The following ARHGAP32 variants were observed in gnomAD, a reference collection of about 807,000 sequenced individuals.
ARHGAP32 encodes Rho GTPase activating protein 32.
ARHGAP32 carries 51 observed loss-of-function variants against 186.5 expected under a neutral mutation model. The observed-to-expected ratio is 0.27, with a 90% confidence interval of 0.22 to 0.35. The LOEUF (loss-of-function observed/expected upper bound fraction) is 0.35. Among genes scored for constraint, ARHGAP32 ranks in the 10% least tolerant of loss-of-function variants. The pLI is 1.00. For synonymous variants in ARHGAP32, 950 were observed against 964.3 expected, an observed-to-expected ratio of 0.99 and a Z score of 0.27; for missense variants, 2,186 against 2,623.5, an observed-to-expected ratio of 0.83 and a Z score of 3.64.
intron 11 of ARHGAP32, among the ~76,000 whole-genome samples, chr11:129,039,163 T>G (rs762136900): frequency 6.6e-6 from 1 of 152,170 alleles, no homozygotes; most frequent in Admixed American, 6.5e-5. Context: ...ATGGTACAGT[T>G]ACACCAATGG....
chr11:129,088,989 C>T (rs1201878065), intron 6 of ARHGAP32, among the ~76,000 whole-genome samples: 1 of 88,472 alleles, frequency 1.1e-5, no homozygotes, highest in African/African-American at 5.2e-5. Flanking sequence ...CAGAGAGAGA[C>T]CTTGTCAAAA....
At chr11:129,252,408 C>A (rs1945197568) in intron 1 of ARHGAP32, among the ~76,000 whole-genome samples, 1 of 152,190 alleles carries the variant, frequency 6.6e-6, no homozygotes, top group Non-Finnish European at 1.5e-5. Context: ...TATCTGGCAA[C>A]TTCGGTCCTT....
rs778199256 is a variant in ARHGAP32 at position 128,974,656 on chromosome 11, T to C, written c.2541A>G (p.Lys847=). The change falls in exon 21 of 23, where the codon AAA becomes AAG. Residue 847 remains lysine (K), a synonymous_variant. Transcript: ENST00000682385. ...GYSKDKPSAN[K]KDAETGSSQC... Reference sequence around the variant, plus strand: ...GGCTACTACCTGTTTCTGCATCCTTTTTATTGGCACTTGGTTTATCCTTGG... The same window carrying C: ...GGCTACTACCTGTTTCTGCATCCTTCTTATTGGCACTTGGTTTATCCTTGG... The C allele has an allele frequency of 2.5e-6, 4 of 1,614,072 alleles. No individual in the cohort carries two copies. The highest frequency in any genetic ancestry group is 1.7e-5 in the Admixed American group (1 of 60,010).
intron 2 of ARHGAP32, among the ~76,000 whole-genome samples, chr11:129,133,333 A>G (rs959579855): frequency 6.6e-6 from 1 of 152,220 alleles, no homozygotes; most frequent in African/African-American, 2.4e-5. Context: ...AGATGAGAAA[A>G]AACACAATAA....
At chr11:129,278,192 GAAAAT>G (rs2135738651) in intron 1 of ARHGAP32, among the ~76,000 whole-genome samples, 1 of 152,284 alleles carries the variant, frequency 6.6e-6, no homozygotes, top group East Asian at 1.9e-4. Flanking sequence ...TGAAAGAATA[GAAAAT>G]AAAAGAGATG....
At chr11:129,119,047 G>T (rs1216160183) in intron 5 of ARHGAP32, among the ~76,000 whole-genome samples, 2 of 151,970 alleles carry the variant, frequency 1.3e-5, no homozygotes, top group Non-Finnish European at 2.9e-5. Context: ...ATAAGAATAT[G>T]GCATGGTACA....
intron 5 of ARHGAP32, among the ~76,000 whole-genome samples, chr11:129,093,944 C>G (rs936663286): frequency 2.0e-5 from 3 of 152,112 alleles, no homozygotes; most frequent in African/African-American, 7.2e-5. Flanking sequence ...CTTCCTTAAT[C>G]TATTTAGTAC....
At position 129,163,246 on chromosome 11, in the gene ARHGAP32, T is replaced by C. The variant is rs560770648; in HGVS notation, c.225+1073A>G. Among the ~76,000 whole-genome samples the C allele has an allele frequency of 3.3e-5, 5 of 152,284 alleles. No individual in the cohort carries two copies. In the South Asian group the frequency reaches 6.2e-4, roughly 19 times the overall value. On this transcript the variant is annotated intron_variant, in intron 2 of 22. Transcript: ENST00000682385. ...AAATATCATTACAGATCAGCACTGA[T>C]AGATGAATGTTTCCATTTTATTTTG...
intron 5 of ARHGAP32, among the ~76,000 whole-genome samples, chr11:129,110,131 T>A (rs1031026425): frequency 6.6e-6 from 1 of 152,148 alleles, no homozygotes; most frequent in African/African-American, 2.4e-5. Flanking sequence ...TGATGAGAGA[T>A]AGGGGTTTAG....
At chr11:129,191,956 G>T in intron 1 of ARHGAP32, 127 bp downstream of exon 1, 1 of 717,124 alleles carries the variant, frequency 1.4e-6, no homozygotes, top group Non-Finnish European at 2.4e-6. Context: ...GCTCCCTTGA[G>T]CTCCAAACCT....
At chr11:129,225,478 C>T (rs1304318960) in intron 1 of ARHGAP32, among the ~76,000 whole-genome samples, 4 of 152,104 alleles carry the variant, frequency 2.6e-5, no homozygotes, top group African/African-American at 9.7e-5. Context: ...AATGACTGGT[C>T]CCAGGAGTTT....
intron 1 of ARHGAP32, among the ~76,000 whole-genome samples, chr11:129,179,700 A>G: frequency 6.6e-6 from 1 of 152,066 alleles, no homozygotes; most frequent in Admixed American, 6.6e-5. Context: ...AAGAACAAAA[A>G]ACCAAACACC....
At chr11:129,063,755 G>A (rs1591581337) in intron 9 of ARHGAP32, 147 bp downstream of exon 9, 2 of 869,388 alleles carry the variant, frequency 2.3e-6, no homozygotes, top group East Asian at 5.4e-5. Context: ...AAAAATAGAA[G>A]ATATTACAGG....
intron 17 of ARHGAP32, 32 bp downstream of exon 17, chr11:128,981,384 C>T: frequency 6.5e-7 from 1 of 1,545,446 alleles, no homozygotes; most frequent in African/African-American, 1.4e-5. Flanking sequence ...TGAGACACAC[C>T]CTCCTGGTAG....
intron 11 of ARHGAP32, among the ~76,000 whole-genome samples, chr11:129,027,792 G>GTTTA (rs1459154251): frequency 7.9e-5 from 12 of 152,126 alleles, no homozygotes; most frequent in African/African-American, 2.9e-4. Context: ...ATACTATATT[G>GTTTA]TTTATTTATT....
At chr11:128,995,717 T>C (rs1328843576) in intron 12 of ARHGAP32, among the ~76,000 whole-genome samples, 1 of 152,224 alleles carries the variant, frequency 6.6e-6, no homozygotes, top group Non-Finnish European at 1.5e-5. Flanking sequence ...TGCATGCCTA[T>C]AGTCCCAGCT....
At chr11:129,146,443 A>G (rs1470872544) in intron 2 of ARHGAP32, among the ~76,000 whole-genome samples, 3 of 152,120 alleles carry the variant, frequency 2.0e-5, no homozygotes, top group African/African-American at 4.8e-5. Context: ...TGCTACACAT[A>G]CATTAGTATA....
intron 1 of ARHGAP32, among the ~76,000 whole-genome samples, chr11:129,199,938 T>C (rs1388373176): frequency 6.6e-6 from 1 of 152,212 alleles, no homozygotes; most frequent in Admixed American, 6.5e-5. Context: ...AACCGACCTC[T>C]TGCATCAGTG....
At chr11:129,180,925 A>G (rs1160048792) in intron 1 of ARHGAP32, among the ~76,000 whole-genome samples, 2 of 152,140 alleles carry the variant, frequency 1.3e-5, no homozygotes, top group African/African-American at 4.8e-5. Context: ...TCTGTCACAT[A>G]TTCACTTTAT....
Sources: allele counts gnomAD v4.1 joint callset (sites outside exome capture counted in the v4.1 genomes callset), GRCh38; gene constraint gnomAD v4.1.1; transcripts MANE v1.5; gene names NCBI Gene and HGNC (gene_info 2026-07-23, HGNC 2026-07-21).